Variants in ZNRF2 observed in about 807,000 individuals in gnomAD.
ZNRF2 encodes the protein E3 ubiquitin-protein ligase ZNRF2.
In ZNRF2, 16 loss-of-function variants were observed where a neutral mutation model predicts 20.4. The ratio of observed to expected loss-of-function variants is 0.79; its 90% CI spans 0.53 to 1.19. The LOEUF is 1.19. Ranked by LOEUF, ZNRF2 falls within the 50% of genes most tolerant of loss-of-function variation. ZNRF2 has a pLI of 0.00. For missense variants in ZNRF2, 363 were observed against 332.4 expected (o/e 1.09, Z -0.72); for synonymous variants, 178 against 144.9 (o/e 1.23, Z -1.64).
intron 4 of ZNRF2, among the ~76,000 whole-genome samples, chr7:30,363,117 T>C (rs924963173): frequency 1.3e-5 from 2 of 150,620 alleles, no homozygotes; most frequent in African/African-American, 5.0e-5. Flanking sequence ...CGAGTCTCCT[T>C]CTCAAAAAAA....
intron 1 of ZNRF2, among the ~76,000 whole-genome samples, chr7:30,305,376 A>AT (rs1799183808): frequency 6.6e-6 from 1 of 152,190 alleles, no homozygotes; most frequent in Non-Finnish European, 1.5e-5. Flanking sequence ...ATAGGTAACT[A>AT]TACTAGTTTT....
At chr7:30,345,205 C>G (rs1051651851) in intron 2 of ZNRF2, among the ~76,000 whole-genome samples, 1 of 144,246 alleles carries the variant, frequency 6.9e-6, no homozygotes. Flanking sequence ...CTGTAGAGAA[C>G]ATTTTTTTCC....
At chr7:30,349,481 A>G (rs963423824) in intron 2 of ZNRF2, among the ~76,000 whole-genome samples, 11 of 152,026 alleles carry the variant, frequency 7.2e-5, no homozygotes, top group African/African-American at 2.4e-4. Context: ...GGCATTTGAG[A>G]GGTATTATTT....
chr7:30,337,743 AAATT>A (rs1225539988), intron 2 of ZNRF2, among the ~76,000 whole-genome samples: 1 of 151,810 alleles, frequency 6.6e-6, no homozygotes, highest in Non-Finnish European at 1.5e-5. Flanking sequence ...TATTATAAAT[AAATT>A]AATAAAATAA....
chr7:30,336,560 T>G (rs547358915), intron 2 of ZNRF2, among the ~76,000 whole-genome samples: 1 of 152,292 alleles, frequency 6.6e-6, no homozygotes, highest in African/African-American at 2.4e-5. Flanking sequence ...TCTTATAGCT[T>G]TAGTTATCTG....
intron 2 of ZNRF2, among the ~76,000 whole-genome samples, chr7:30,348,539 A>G (rs1253107247): frequency 6.6e-6 from 1 of 152,192 alleles, no homozygotes; most frequent in Admixed American, 6.5e-5. Context: ...AGCATCAGAA[A>G]TGTTTTTTGA....
At position 30,340,325 on chromosome 7, in the gene ZNRF2, C is replaced by T. The variant is rs144522499; in HGVS notation, c.566-15403C>T. ...GAGAGAGAGCATCCTTGTCTTGTGC[C>T]GGTTTTCAAAGGGAATGCTTCCAGC... On this transcript the variant is annotated intron_variant, in intron 2 of 4. Coordinates refer to ENST00000323037, the MANE Select transcript of ZNRF2 (RefSeq NM_147128.4). 3.1e-3 allele frequency among the ~76,000 whole-genome samples: 474 copies of T among 152,152 alleles called. 6 individuals are homozygous for T. The highest frequency in any genetic ancestry group is 0.011 in the African/African-American group (454 of 41,488).
intron 4 of ZNRF2, among the ~76,000 whole-genome samples, chr7:30,365,326 T>C (rs2127959043): frequency 6.6e-6 from 1 of 152,216 alleles, no homozygotes; most frequent in Middle Eastern, 3.4e-3. Context: ...ATTTCCATTT[T>C]CTTATGTTAC....
chr7:30,359,150 C>A (rs1800084914), intron 3 of ZNRF2, among the ~76,000 whole-genome samples: 1 of 152,096 alleles, frequency 6.6e-6, no homozygotes, highest in Non-Finnish European at 1.5e-5. Context: ...TGACTAAATA[C>A]CTGCCTCTGG....
At chr7:30,295,050 A>AGAGAGAGAGAGAGAGAGT (rs1412764480) in intron 1 of ZNRF2, among the ~76,000 whole-genome samples, 5 of 38,282 alleles carry the variant, frequency 1.3e-4, no homozygotes, top group African/African-American at 5.0e-4. Flanking sequence ...AGAGAGAGAG[A>AGAGAGAGAGAGAGAGAGT]GTGTGTGTGT....
chr7:30,320,361 G>T (rs1447306121), intron 1 of ZNRF2, among the ~76,000 whole-genome samples: 1 of 152,034 alleles, frequency 6.6e-6, no homozygotes, highest in African/African-American at 2.4e-5. Context: ...TCAAAACAAA[G>T]AATTTAGAAA....
chr7:30,354,663 G>C (rs1467156777), intron 2 of ZNRF2, among the ~76,000 whole-genome samples: 1 of 152,132 alleles, frequency 6.6e-6, no homozygotes, highest in Non-Finnish European at 1.5e-5. Flanking sequence ...AATTTACGTA[G>C]AGATTGATGC....
At chr7:30,308,357 T>G (rs1284639997) in intron 1 of ZNRF2, among the ~76,000 whole-genome samples, 1 of 152,228 alleles carries the variant, frequency 6.6e-6, no homozygotes, top group Non-Finnish European at 1.5e-5. Flanking sequence ...ACATTGCTAC[T>G]GTGAATTTTT....
chr7:30,303,904 A>G (rs1273483898), intron 1 of ZNRF2, among the ~76,000 whole-genome samples: 1 of 152,228 alleles, frequency 6.6e-6, no homozygotes, highest in East Asian at 1.9e-4. Context: ...CTTAGGAATT[A>G]TAAATTCAGA....
chr7:30,295,906 C>T (rs1263458982), intron 1 of ZNRF2, among the ~76,000 whole-genome samples: 1 of 152,220 alleles, frequency 6.6e-6, no homozygotes, highest in East Asian at 1.9e-4. Flanking sequence ...GTATTCCTTT[C>T]TCTTCCCAAC....
At position 30,301,700 on chromosome 7, in the gene ZNRF2, T is replaced by TAAA. The variant is rs61418583; in HGVS notation, c.469+15895_469+15897dup. Among the ~76,000 whole-genome samples, 451 of 115,672 alleles carry TAAA rather than the reference T, an allele frequency of 3.9e-3. 1 individual carries two copies. The highest frequency in any genetic ancestry group is 0.013 in the South Asian group (44 of 3,392). The allele number at this position is 115,672 out of a possible 152,430, so 75.9% of individuals were successfully genotyped here. On this transcript the variant is annotated intron_variant, in intron 1 of 4. Coordinates refer to ENST00000323037, the MANE Select transcript of ZNRF2 (RefSeq NM_147128.4). ...GACTACAGGATAATGAGGCTTTTTT[T>TAAA]AAAAAAAAAAAAAAAAAAAAAAACT...
rs545627962 is a variant in ZNRF2, at chr7:30,284,684, C to G, written c.-674C>G. 11 of 160,864 alleles carry G rather than the reference C, an allele frequency of 6.8e-5. No homozygotes were observed. The highest frequency in any genetic ancestry group is 1.4e-4 in the Non-Finnish European group (10 of 72,450). The allele number at this position is 160,864 out of a possible 1,614,324, so 10.0% of individuals were successfully genotyped here. A position where few individuals can be genotyped will look rare whatever the true frequency, so the allele number is the denominator to read the frequency against. ...GGGAACCTCCTCCCCATCTGCGCAC[C>G]CCCCGCCTTCGCGGCCCAGATCCTC... On this transcript the variant is annotated 5_prime_UTR_variant, in exon 1 of 5. Transcript: ENST00000323037.
chr7:30,356,906 C>T (rs1029610408), intron 3 of ZNRF2, among the ~76,000 whole-genome samples: 18 of 152,022 alleles, frequency 1.2e-4, no homozygotes, highest in African/African-American at 3.1e-4. Context: ...GGGGTTTCAC[C>T]GTGTTAGCCA....
At chr7:30,334,968 ATG>A (rs1209928484) in intron 2 of ZNRF2, among the ~76,000 whole-genome samples, 1 of 152,130 alleles carries the variant, frequency 6.6e-6, no homozygotes, top group Non-Finnish European at 1.5e-5. Flanking sequence ...ACATGGATAA[ATG>A]TATTTATGTT....
Sources: gnomAD v4.1 joint callset for allele counts (sites outside exome capture counted in the v4.1 genomes callset) on GRCh38, gnomAD v4.1.1 for gene constraint, MANE v1.5 for transcripts, NCBI Gene and HGNC (gene_info 2026-07-23, HGNC 2026-07-21) for gene names.